ANKHD1: variants seen among roughly 807,000 people sequenced by gnomAD.
ANKHD1 encodes the protein ankyrin repeat and KH domain-containing protein 1.
ANKHD1 carries 31 observed loss-of-function variants against 230.5 expected under a neutral mutation model. The ratio of observed to expected loss-of-function variants is 0.13; its 90% CI spans 0.10 to 0.18. ANKHD1 has a LOEUF of 0.18. Ranked by LOEUF, ANKHD1 falls within the 10% of genes least tolerant of loss-of-function variation. The probability of loss-of-function intolerance (pLI) is 1.00; values close to 1 mark genes in which losing one functional copy is unlikely to be tolerated. For synonymous variants in ANKHD1, 1,074 were observed against 1,117.6 expected (o/e 0.96, Z 0.78); for missense variants, 2,256 against 3,071.3 (o/e 0.73, Z 6.27).
chr5:140,523,230 C>T (rs1753441649), intron 24 of ANKHD1, among the ~76,000 whole-genome samples: 1 of 150,630 alleles, frequency 6.6e-6, no homozygotes, highest in African/African-American at 2.4e-5. Context: ...CTCCTGCCTC[C>T]CAAGTAACTG....
chr5:140,406,341 A>G (rs1432506551), intron 1 of ANKHD1, among the ~76,000 whole-genome samples: 1 of 152,106 alleles, frequency 6.6e-6, no homozygotes, highest in Non-Finnish European at 1.5e-5. Context: ...TGTTGCTCTA[A>G]TGGGGCAGGA....
In ANKHD1 at chr5:140,486,965, G is replaced by A. The variant is rs140916768; in HGVS notation, c.2150G>A (p.Arg717His). ...TCTGAGTTGACTTTTTAGGTGCCAC[G>A]TGTGCCAACGCATACACTTGCCATG... ...PPSQDQSQVP[R>H]VPTHTLAMVV... Residue 717 changes from arginine to histidine, a missense_variant, in exon 14 of 34, where the codon CGT becomes CAT. Arg to His is a conservative substitution (Grantham distance 29). Coordinates refer to ENST00000360839, the MANE Select transcript of ANKHD1 (RefSeq NM_017747.3). 2 of 1,609,216 alleles carry A rather than the reference G, an allele frequency of 1.2e-6. No individual in the cohort carries two copies. The highest frequency in any genetic ancestry group is 8.5e-7 in the Non-Finnish European group (1 of 1,177,162).
chr5:140,524,240 G>T lies in ANKHD1; in HGVS notation c.4492G>T (p.Val1498Leu). ...AGATGAAGAGGAGAATGATGAAGAT[G>T]GTGAGAAACAAACCATCTGAATTAA... is the stretch of plus-strand genomic sequence containing the variant. ...DEDEEENDED[V>L]EQEVPIEPPS... Residue 1498 changes from valine (V) to leucine (L), a missense_variant and splice_region_variant, in exon 25 of 34, where the codon GTG becomes TTG. This residue lies in a region of ANKHD1 where 212 missense variants were observed against 257.3 expected (regional missense o/e 0.82). Transcript: ENST00000360839. 1 of 1,557,016 alleles carries T rather than the reference G, an allele frequency of 6.4e-7. No homozygotes were observed.
intron 17 of ANKHD1, 94 bp downstream of exon 17, chr5:140,505,327 T>G (rs1229937048): frequency 5.2e-6 from 7 of 1,334,532 alleles, no homozygotes; most frequent in South Asian, 1.3e-5. Context: ...ACTATCTCAG[T>G]GATAAGATGG....
intron 10 of ANKHD1, among the ~76,000 whole-genome samples, chr5:140,477,364 T>G (rs949038725): frequency 4.6e-5 from 7 of 152,234 alleles, no homozygotes; most frequent in Non-Finnish European, 1.0e-4. Context: ...ATAAAATGAT[T>G]GTTAAAAATC....
Position 140,401,922 on chromosome 5 carries a change from G to A in ANKHD1, c.-46G>A. 1.3e-6 allele frequency: 2 copies of A among 1,527,314 alleles called. No individual in the cohort carries two copies. The highest frequency in any genetic ancestry group is 2.2e-5 in the Admixed American group (1 of 44,460). 94.6% of individuals were successfully genotyped at this position (1,527,314 alleles called of 1,614,324 possible). On this transcript the variant is annotated 5_prime_UTR_variant, in exon 1 of 34. It adds an upstream start codon to the 5' untranslated region. Coordinates refer to ENST00000360839, the MANE Select transcript of ANKHD1 (RefSeq NM_017747.3). ...CTCGTTCCCGAGATCAGCGGCGGCG[G>A]TGACCGCGAGTGGGTCGGCACCGTC...
intron 1 of ANKHD1, among the ~76,000 whole-genome samples, chr5:140,415,859 A>G (rs2126858949): frequency 6.6e-6 from 1 of 152,144 alleles, no homozygotes; most frequent in African/African-American, 2.4e-5. Context: ...ACATATGTAC[A>G]CATGTGCCAT....
rs749214596 is a variant in ANKHD1 at position 140,504,896 on chromosome 5, C to T, written c.3080C>T (p.Ser1027Leu). ...TTECLTPESC[S>L]QTTSNVASQS... is the part of the protein sequence containing the mutation. ...GAGTGTCTTACACCTGAATCCTGTT[C>T]GCAGACTACAAGCAATGTGGCTTCC... The change falls in exon 16 of 34, where the codon TCG (serine) becomes TTG (leucine). Residue 1027 changes from serine to leucine, a missense_variant. Ser to Leu is a moderately radical substitution (Grantham distance 145). Transcript: ENST00000360839. The T allele has an allele frequency of 4.3e-6, 7 of 1,614,184 alleles. No individual in the cohort carries two copies. Among genetic ancestry groups the T allele is most frequent in the Non-Finnish European group, 5.1e-6 (6 of 1,180,022 alleles).
At chr5:140,423,236 T>C (rs1772140280) in intron 1 of ANKHD1, among the ~76,000 whole-genome samples, 1 of 152,190 alleles carries the variant, frequency 6.6e-6, no homozygotes. Flanking sequence ...AAACTCTTTT[T>C]AGATATTAAT....
rs1752820379 is a variant in ANKHD1, at chr5:140,512,598, CT to C, written c.4105-226del. On this transcript the variant is annotated intron_variant, in intron 22 of 33. Coordinates refer to ENST00000360839, the MANE Select transcript of ANKHD1 (RefSeq NM_017747.3). ...TCCATTCCTGAGCACACATTCTTGTCTTTTATGCCTTTCTTTTTATAAGCTG... is the reference window on the plus strand; with the variant it reads ...TCCATTCCTGAGCACACATTCTTGTCTTTATGCCTTTCTTTTTATAAGCTG... Among the ~76,000 whole-genome samples, 4 of 152,012 alleles carry C rather than the reference CT, an allele frequency of 2.6e-5. No individual in the cohort carries two copies. In the South Asian group the frequency reaches 8.3e-4, roughly 32 times the overall value.
chr5:140,402,584 C>CG (rs1770046209), intron 1 of ANKHD1, among the ~76,000 whole-genome samples: 1 of 152,114 alleles, frequency 6.6e-6, no homozygotes, highest in Admixed American at 6.6e-5. Flanking sequence ...GGGTGGGGGG[C>CG]GGGGTCTTGC....
chr5:140,442,913 GT>G (rs1251288397), intron 5 of ANKHD1, among the ~76,000 whole-genome samples: 6 of 145,186 alleles, frequency 4.1e-5, no homozygotes, highest in Admixed American at 1.4e-4. Flanking sequence ...CTTTTTTTTT[GT>G]TTTTTTTTTG....
At chr5:140,525,922 T>C in intron 25 of ANKHD1, 74 bp from the exon 26 acceptor site, 1 of 1,466,208 alleles carries the variant, frequency 6.8e-7, no homozygotes, top group South Asian at 1.5e-5. Context: ...TTATGAATTA[T>C]CAAATATATT....
At chr5:140,465,875 T>G (rs1776046151) in intron 10 of ANKHD1, among the ~76,000 whole-genome samples, 1 of 152,246 alleles carries the variant, frequency 6.6e-6, no homozygotes, top group South Asian at 2.1e-4. Context: ...GTCTTTTGAC[T>G]TCTTTCTATA....
At chr5:140,538,043 A>G (rs745691051) in intron 31 of ANKHD1, 43 bp from the exon 32 acceptor site, 1 of 1,569,216 alleles carries the variant, frequency 6.4e-7, no homozygotes, top group Middle Eastern at 1.7e-4. Context: ...TTGTTGTTTT[A>G]TCCAAATAAA....
At chr5:140,452,172 G>A (rs887789417) in intron 7 of ANKHD1, among the ~76,000 whole-genome samples, 1 of 152,226 alleles carries the variant, frequency 6.6e-6, no homozygotes, top group East Asian at 1.9e-4. Flanking sequence ...CAGGCTGGGG[G>A]AGGGGCACCC....
chr5:140,476,293 T>C (rs1750963063), intron 10 of ANKHD1, among the ~76,000 whole-genome samples: 1 of 151,982 alleles, frequency 6.6e-6, no homozygotes, highest in Non-Finnish European at 1.5e-5. Context: ...AAGGAGAGGA[T>C]AGAAATGGAG....
chr5:140,418,131 C>T (rs868285401), intron 1 of ANKHD1, among the ~76,000 whole-genome samples: 7 of 149,662 alleles, frequency 4.7e-5, no homozygotes, highest in African/African-American at 1.2e-4. Flanking sequence ...CGTGAGCCAC[C>T]GGGTCCAGCC....
At chr5:140,475,250 G>A (rs571484236) in intron 10 of ANKHD1, among the ~76,000 whole-genome samples, 1 of 152,238 alleles carries the variant, frequency 6.6e-6, no homozygotes, top group African/African-American at 2.4e-5. Context: ...CAGGATTAAA[G>A]ATCTCCGTGG....
Sources: gnomAD v4.1 joint callset for allele counts (sites outside exome capture counted in the v4.1 genomes callset) on GRCh38, gnomAD v4.1.1 for gene constraint, gnomAD v4.1.1 regional missense constraint, MANE v1.5 for transcripts, NCBI Gene and HGNC (gene_info 2026-07-23, HGNC 2026-07-21) for gene names.